Variants in CPNE2 observed in about 807,000 individuals in gnomAD.
CPNE2 encodes copine-2.
A neutral mutation model predicts 69.7 loss-of-function variants in CPNE2; 42 were observed. The ratio of observed to expected loss-of-function variants is 0.60; its 90% CI spans 0.47 to 0.78. CPNE2 has a LOEUF of 0.78. CPNE2 is among the 30% of genes least tolerant of loss of function. The pLI, the probability that CPNE2 is intolerant of heterozygous loss-of-function variation, is 0.00. For synonymous variants in CPNE2, 294 were observed against 289.8 expected, an observed-to-expected ratio of 1.01 and a Z score of -0.15; for missense variants, 587 against 732.0, an observed-to-expected ratio of 0.80 and a Z score of 2.29.
At chr16:57,136,861 C>A (rs1430024658) in intron 13 of CPNE2, among the ~76,000 whole-genome samples, 3 of 152,188 alleles carry the variant, frequency 2.0e-5, no homozygotes, top group African/African-American at 7.2e-5. Context: ...TTGCACTGAG[C>A]CGAGATCCTG....
chr16:57,120,451 A>C (rs1366370779), intron 7 of CPNE2, among the ~76,000 whole-genome samples: 1 of 151,684 alleles, frequency 6.6e-6, no homozygotes, highest in Non-Finnish European at 1.5e-5. Context: ...AAAAAAAAAA[A>C]AAATTATAAA....
intron 1 of CPNE2, among the ~76,000 whole-genome samples, chr16:57,098,546 C>G (rs2069593117): frequency 6.6e-6 from 1 of 152,150 alleles, no homozygotes; most frequent in Non-Finnish European, 1.5e-5. Flanking sequence ...GGCCAGGGTT[C>G]CTGTGTGGCT....
intron 1 of CPNE2, among the ~76,000 whole-genome samples, chr16:57,097,095 G>A (rs922967129): frequency 6.6e-6 from 1 of 152,188 alleles, no homozygotes; most frequent in African/African-American, 2.4e-5. Context: ...AGCCATGAAC[G>A]AGAGAGACCA....
chr16:57,108,665 G>A (rs1242612662), intron 1 of CPNE2, among the ~76,000 whole-genome samples: 4 of 152,220 alleles, frequency 2.6e-5, no homozygotes, highest in African/African-American at 9.6e-5. Context: ...GAAAGCCAGA[G>A]GACTTGTCTG....
chr16:57,104,698 T>C (rs1344482904), intron 1 of CPNE2, among the ~76,000 whole-genome samples: 1 of 152,230 alleles, frequency 6.6e-6, no homozygotes, highest in Non-Finnish European at 1.5e-5. Flanking sequence ...GTAAAACGAT[T>C]GTACATTGCA....
Position 57,116,530 on chromosome 16 carries a change from C to G in CPNE2, c.436-966C>G, listed in dbSNP as rs183733824. Among the ~76,000 whole-genome samples, 16 of 152,252 alleles carry G rather than the reference C, an allele frequency of 1.1e-4. No homozygotes were observed. The East Asian group carries it at 2.9e-3, about 28-fold the overall frequency. On this transcript the variant is annotated intron_variant, in intron 4 of 15. Transcript: ENST00000290776. ...TCATGCTACTGCCCTCCAGCCTGGG[C>G]AAGAGAGTGAAACCCCATCTCTGAA...
intron 13 of CPNE2, 98 bp downstream of exon 13, chr16:57,134,924 C>A: frequency 8.1e-7 from 1 of 1,230,242 alleles, no homozygotes; most frequent in Non-Finnish European, 1.2e-6. Flanking sequence ...TCATTTCTTT[C>A]TCCTTTCCCC....
At chr16:57,122,177 G>A (rs2069767967) in intron 9 of CPNE2, among the ~76,000 whole-genome samples, 1 of 152,248 alleles carries the variant, frequency 6.6e-6, no homozygotes, top group East Asian at 1.9e-4. Flanking sequence ...GGCCACTGAG[G>A]CCCAGAAAGG....
chr16:57,117,624 G>A, intron 5 of CPNE2, 57 bp downstream of exon 5: 1 of 1,588,002 alleles, frequency 6.3e-7, no homozygotes, highest in South Asian at 1.1e-5. Flanking sequence ...CCAGCCCCAG[G>A]GCTGTGTGGC....
chr16:57,118,628 G>A (rs773050149), intron 5 of CPNE2, among the ~76,000 whole-genome samples: 1 of 151,312 alleles, frequency 6.6e-6, no homozygotes, highest in Non-Finnish European at 1.5e-5. Flanking sequence ...ACCAGCCTGG[G>A]CAATATAGTG....
At chr16:57,124,077 CTTTTCTTTTCT>C (rs2069782452) in intron 10 of CPNE2, 3 of 174,674 alleles carry the variant, frequency 1.7e-5, no homozygotes, top group African/African-American at 4.8e-5. Flanking sequence ...CTTTTCTTTT[CTTTTCTTTTCT>C]TTTTTTTTTT....
At chr16:57,141,145 G>A (rs2069919753) in intron 14 of CPNE2, 1 of 152,380 alleles carries the variant, frequency 6.6e-6, no homozygotes, top group East Asian at 1.9e-4. Context: ...CTGCAGAGCT[G>A]GGGCAGGACT....
At chr16:57,097,750 C>A (rs2069586866) in intron 1 of CPNE2, among the ~76,000 whole-genome samples, 1 of 152,152 alleles carries the variant, frequency 6.6e-6, no homozygotes, top group South Asian at 2.1e-4. Context: ...CAGTCCTAGG[C>A]AAATCCACCT....
chr16:57,140,275 A>G (rs2069912018), intron 14 of CPNE2, among the ~76,000 whole-genome samples: 1 of 151,928 alleles, frequency 6.6e-6, no homozygotes, highest in Admixed American at 6.6e-5. Context: ...GGTTCAAGCG[A>G]TTCTCCTGTC....
intron 10 of CPNE2, 183 bp from the exon 11 acceptor site, chr16:57,125,677 A>G (rs1336048224): frequency 4.3e-6 from 3 of 692,928 alleles, no homozygotes; most frequent in African/African-American, 3.6e-5. Context: ...AGAGCCACAG[A>G]TGGCATTAGA....
chr16:57,108,272 C>T (rs1455994017), intron 1 of CPNE2, among the ~76,000 whole-genome samples: 8 of 152,314 alleles, frequency 5.3e-5, no homozygotes, highest in Non-Finnish European at 1.0e-4. Context: ...CCTCAGTTTC[C>T]TCCTCTGGAA....
chr16:57,128,772 A>G (rs2145268081), intron 12 of CPNE2, among the ~76,000 whole-genome samples: 1 of 152,278 alleles, frequency 6.6e-6, no homozygotes, highest in Non-Finnish European at 1.5e-5. Flanking sequence ...CGCTGTGTGG[A>G]GTCCTCAGTG....
intron 10 of CPNE2, 68 bp downstream of exon 10, chr16:57,123,541 C>G (rs1373488839): frequency 5.3e-6 from 8 of 1,519,200 alleles, no homozygotes; most frequent in Non-Finnish European, 7.3e-6. Flanking sequence ...AAGACTTGGG[C>G]CACTAGTGCA....
chr16:57,102,092 C>T (rs2069617994), intron 1 of CPNE2, among the ~76,000 whole-genome samples: 1 of 151,984 alleles, frequency 6.6e-6, no homozygotes, highest in East Asian at 1.9e-4. Flanking sequence ...GGACTACAGG[C>T]ACATGCCACC....
Sources: gnomAD v4.1 joint callset for allele counts (sites outside exome capture counted in the v4.1 genomes callset) on GRCh38, gnomAD v4.1.1 for gene constraint, MANE v1.5 for transcripts, NCBI Gene and HGNC (gene_info 2026-07-23, HGNC 2026-07-21) for gene names.